The following TTC17 variants were observed in gnomAD, a reference collection of about 807,000 sequenced individuals.
TTC17 encodes the protein tetratricopeptide repeat domain 17, also known as tetratricopeptide repeat protein 17.
TTC17 carries 58 observed loss-of-function variants against 143.8 expected under a neutral mutation model. The ratio of observed to expected loss-of-function variants is 0.40; its 90% CI spans 0.33 to 0.50. TTC17 has a LOEUF of 0.50. Among genes scored for constraint, TTC17 ranks in the 20% least tolerant of loss-of-function variants. The pLI is 0.49. For synonymous variants in TTC17, 501 were observed against 497.8 expected (o/e 1.01, Z -0.09); for missense variants, 1,273 against 1,392.5 (o/e 0.91, Z 1.37).
intron 2 of TTC17, among the ~76,000 whole-genome samples, chr11:43,381,972 G>A (rs994148415): frequency 3.9e-5 from 6 of 152,164 alleles, no homozygotes; most frequent in Non-Finnish European, 7.3e-5. Flanking sequence ...TGGATGTCAC[G>A]TGGGCAGTTG....
intron 16 of TTC17, among the ~76,000 whole-genome samples, chr11:43,432,714 G>A (rs548961388): frequency 4.6e-5 from 7 of 152,140 alleles, no homozygotes; most frequent in African/African-American, 1.7e-4. Context: ...ATATTTTCCT[G>A]TGTTTCTTTC....
At chr11:43,430,713 A>G (rs867418136) in intron 16 of TTC17, among the ~76,000 whole-genome samples, 43 of 120,316 alleles carry the variant, frequency 3.6e-4, no homozygotes, top group African/African-American at 8.6e-4. Flanking sequence ...ATACACGCAC[A>G]CACACACACA....
intron 5 of TTC17, among the ~76,000 whole-genome samples, chr11:43,392,382 T>TA (rs1050874514): frequency 3.3e-5 from 5 of 151,966 alleles, no homozygotes; most frequent in African/African-American, 4.8e-5. Context: ...CTATCTACTT[T>TA]AAAAAAAATG....
chr11:43,402,151 T>G (rs1404480592), intron 10 of TTC17, among the ~76,000 whole-genome samples: 1 of 152,174 alleles, frequency 6.6e-6, no homozygotes, highest in Non-Finnish European at 1.5e-5. Context: ...TCTAAATATT[T>G]ATATGCACAT....
intron 2 of TTC17, among the ~76,000 whole-genome samples, chr11:43,388,934 C>G (rs1297298816): frequency 1.3e-5 from 2 of 150,780 alleles, no homozygotes; most frequent in South Asian, 4.2e-4. Flanking sequence ...TGTGATCGCA[C>G]TACTGCACTC....
Position 43,414,586 on chromosome 11 carries a change from TCAGCC to T in TTC17, c.2065-3_2066del. 1 of 1,583,580 alleles carries T rather than the reference TCAGCC, an allele frequency of 6.3e-7. No homozygotes were observed. The highest frequency in any genetic ancestry group is 8.6e-7 in the Non-Finnish European group (1 of 1,167,910). On this transcript the variant is annotated splice_acceptor_variant and splice_polypyrimidine_tract_variant and coding_sequence_variant and intron_variant, in exon 16 of 24. Coordinates refer to ENST00000039989, the MANE Select transcript of TTC17 (RefSeq NM_018259.6). LOFTEE classifies it high-confidence loss of function. ...ACATTTTGCCGATTTTTTTTTCTTT[TCAGCC>T]TCTGACCTTTTTGAGCCTGGGAAAT...
At chr11:43,460,676 T>C (rs190226012) in intron 21 of TTC17, among the ~76,000 whole-genome samples, 1 of 152,368 alleles carries the variant, frequency 6.6e-6, no homozygotes, top group African/African-American at 2.4e-5. Flanking sequence ...TGGGCATTTC[T>C]TCTGGTCTCA....
intron 21 of TTC17, among the ~76,000 whole-genome samples, chr11:43,451,966 G>C (rs776317482): frequency 2.0e-5 from 3 of 152,100 alleles, no homozygotes; most frequent in Non-Finnish European, 4.4e-5. Flanking sequence ...GCAGACTCCA[G>C]TTATAATGAA....
At chr11:43,435,080 T>TAGATAGATAGAC (rs1565164483) in intron 16 of TTC17, 4 of 69,568 alleles carry the variant, frequency 5.7e-5, no homozygotes, top group Non-Finnish European at 1.3e-4. Context: ...GATAAGATGA[T>TAGATAGATAGAC]AGATAGATAG....
chr11:43,393,924 C>T (rs1331211319), intron 5 of TTC17, among the ~76,000 whole-genome samples: 1 of 152,210 alleles, frequency 6.6e-6, no homozygotes, highest in African/African-American at 2.4e-5. Flanking sequence ...GGCTCTCTTC[C>T]TGCCTTGCAT....
At chr11:43,381,890 G>A (rs1317596399) in intron 2 of TTC17, among the ~76,000 whole-genome samples, 1 of 152,156 alleles carries the variant, frequency 6.6e-6, no homozygotes, top group East Asian at 1.9e-4. Context: ...GAAGACTGAA[G>A]GAGGTACAGG....
chr11:43,382,643 G>A (rs1489281613), intron 2 of TTC17, among the ~76,000 whole-genome samples: 1 of 152,044 alleles, frequency 6.6e-6, no homozygotes, highest in African/African-American at 2.4e-5. Flanking sequence ...TGTTTCCTTT[G>A]TCTTTCTCTT....
At chr11:43,364,394 G>A (rs540774263) in intron 1 of TTC17, among the ~76,000 whole-genome samples, 23 of 152,098 alleles carry the variant, frequency 1.5e-4, no homozygotes, top group South Asian at 8.3e-4. Flanking sequence ...TTTAATTTTG[G>A]TCTGATGTTA....
intron 16 of TTC17, among the ~76,000 whole-genome samples, chr11:43,428,529 C>T: frequency 6.6e-6 from 1 of 152,216 alleles, no homozygotes; most frequent in East Asian, 1.9e-4. Flanking sequence ...CTGGTGCTGA[C>T]TTTGCTTTCC....
intron 21 of TTC17, among the ~76,000 whole-genome samples, chr11:43,481,578 A>C (rs1253039286): frequency 1.3e-5 from 2 of 152,074 alleles, no homozygotes; most frequent in African/African-American, 4.8e-5. Context: ...TATTCAAATT[A>C]TCTCTTTCTT....
chr11:43,409,116 A>G (rs1450227944), intron 15 of TTC17, among the ~76,000 whole-genome samples: 1 of 152,190 alleles, frequency 6.6e-6, no homozygotes, highest in Non-Finnish European at 1.5e-5. Context: ...TCTTCTATAC[A>G]AATATTTCAT....
rs115485457 is a variant in TTC17, at chr11:43,377,276, G to C, written c.160-1957G>C. Among the ~76,000 whole-genome samples, 919 of 152,124 alleles carry C rather than the reference G, an allele frequency of 6.0e-3. 6 individuals carry two copies. Among genetic ancestry groups the C allele is most frequent in the African/African-American group, 0.02 (842 of 41,484 alleles). On this transcript the variant is annotated intron_variant, in intron 1 of 23. Coordinates refer to ENST00000039989, the MANE Select transcript of TTC17 (RefSeq NM_018259.6). ...CCACTGCACTCCAGCCCAGGAGACA[G>C]AGTAAGATTCCGTCTAAAAAAAAAA... is the stretch of plus-strand genomic sequence containing the variant.
chr11:43,404,640 G>A (rs969049164), intron 11 of TTC17, among the ~76,000 whole-genome samples: 5 of 152,134 alleles, frequency 3.3e-5, no homozygotes, highest in African/African-American at 7.2e-5. Flanking sequence ...GTTAGCTGAG[G>A]CGGATACCAA....
At chr11:43,473,596 C>T (rs941986917) in intron 21 of TTC17, among the ~76,000 whole-genome samples, 6 of 152,036 alleles carry the variant, frequency 3.9e-5, no homozygotes, top group Non-Finnish European at 8.8e-5. Flanking sequence ...TGAAATGGGC[C>T]GGGCACAGTA....
Sources: gnomAD v4.1 joint callset for allele counts (sites outside exome capture counted in the v4.1 genomes callset) on GRCh38, gnomAD v4.1.1 for gene constraint, MANE v1.5 for transcripts, NCBI Gene and HGNC (gene_info 2026-07-23, HGNC 2026-07-21) for gene names.